BCOR: variants seen among roughly 807,000 people sequenced by gnomAD.
BCOR encodes the protein BCL-6 corepressor.
Under a neutral mutation model 86.7 loss-of-function variants are expected in BCOR, and 10 were observed. That is an observed-to-expected ratio of 0.12 (90% confidence interval 0.07 to 0.20). The LOEUF is 0.20. BCOR is among the 10% of genes least tolerant of loss of function. The probability of loss-of-function intolerance (pLI) is 1.00; values close to 1 mark genes in which losing one functional copy is unlikely to be tolerated. For missense variants in BCOR, 1,259 were observed against 1,452.1 expected, an observed-to-expected ratio of 0.87 and a Z score of 2.16; for synonymous variants, 611 against 609.0, an observed-to-expected ratio of 1.00 and a Z score of -0.05.
chrX:40,147,467 G>A (rs1283773831), intron 1 of BCOR, among the ~76,000 whole-genome samples: 1 of 112,697 alleles, frequency 8.9e-6, no homozygotes, highest in African/African-American at 3.2e-5. Context: ...GGATGCGTCT[G>A]CCTAAGGCGA....
intron 1 of BCOR, among the ~76,000 whole-genome samples, chrX:40,110,395 T>C (rs1403421687): frequency 1.8e-5 from 2 of 111,556 alleles, no homozygotes; most frequent in Non-Finnish European, 3.8e-5. Context: ...ATCAGGAATA[T>C]AAATTCTTCT....
intron 1 of BCOR, among the ~76,000 whole-genome samples, chrX:40,115,394 C>G (rs1316875074): frequency 9.0e-6 from 1 of 111,618 alleles, no homozygotes; most frequent in Non-Finnish European, 1.9e-5. Context: ...ATCAGCAGGC[C>G]TCAGCTCATC....
intron 1 of BCOR, among the ~76,000 whole-genome samples, chrX:40,143,391 T>C (rs1337852009): frequency 8.9e-6 from 1 of 112,869 alleles, no homozygotes; most frequent in Non-Finnish European, 1.9e-5. Context: ...GCAGCATTTT[T>C]AAGCAGCATA....
intron 1 of BCOR, among the ~76,000 whole-genome samples, chrX:40,164,074 G>A (rs199892185): frequency 9.0e-6 from 1 of 110,948 alleles, no homozygotes; most frequent in East Asian, 2.8e-4. Context: ...TTACTGCAAT[G>A]CTGGTTTTCT....
At chrX:40,062,102 C>CA (rs1312917699) in intron 10 of BCOR, 37 bp downstream of exon 10, 1 of 1,180,289 alleles carries the variant, frequency 8.5e-7, no homozygotes, top group Admixed American at 2.4e-5. Flanking sequence ...CCCCGCCCCC[C>CA]AGCCTGCAGC....
At chrX:40,063,146 C>T (rs1934996076) in intron 8 of BCOR, 75 bp from the exon 9 acceptor site, 1 of 798,930 alleles carries the variant, frequency 1.3e-6, no homozygotes, top group African/African-American at 2.1e-5. Flanking sequence ...ACAGTTGTAG[C>T]CAGTGCAGGA....
chrX:40,056,010 G>A (rs1295476863), intron 11 of BCOR, among the ~76,000 whole-genome samples: 2 of 108,941 alleles, frequency 1.8e-5, no homozygotes, highest in Non-Finnish European at 3.8e-5. Flanking sequence ...TGTAGGGACG[G>A]GGTCTTACTA....
In BCOR at chrX:40,074,040, C is replaced by A. The variant is rs960778355; in HGVS notation, c.1306G>T (p.Val436Phe). The A allele has an allele frequency of 1.7e-6, 2 of 1,211,957 alleles. No individual in the cohort carries two copies. The highest frequency in any genetic ancestry group is 3.5e-5 in the African/African-American group (2 of 57,882). ...GACAAGTCTAGTGGCTTATCTGTGA[C>A]GTCTTTGGTAACGGTCTGCTTCTCC... ...LLEKQTVTKDVTDKPLDLSSK... is the reference protein window; with the variant it reads ...LLEKQTVTKDFTDKPLDLSSK... Residue 436 changes from valine to phenylalanine, a missense_variant, in exon 4 of 15, where the codon GTC becomes TTC. Physicochemically the swap from Val to Phe is conservative, Grantham distance 50. Coordinates refer to ENST00000378444, the MANE Select transcript of BCOR (RefSeq NM_001123385.2).
intron 10 of BCOR, among the ~76,000 whole-genome samples, chrX:40,060,001 C>G (rs1206225722): frequency 8.9e-6 from 1 of 112,025 alleles, no homozygotes; most frequent in African/African-American, 3.2e-5. Context: ...TAACAGAAAA[C>G]AAAGCTTGAG....
At chrX:40,160,938 G>GT (rs1281859292) in intron 1 of BCOR, among the ~76,000 whole-genome samples, 2 of 106,768 alleles carry the variant, frequency 1.9e-5, no homozygotes, top group African/African-American at 6.8e-5. Context: ...GCCTCCTAAA[G>GT]TGTTGGGATT....
intron 6 of BCOR, among the ~76,000 whole-genome samples, chrX:40,069,461 C>T (rs1433438155): frequency 3.6e-5 from 4 of 112,129 alleles, no homozygotes; most frequent in East Asian, 5.6e-4. Context: ...TTGGCCACAC[C>T]GAGTTACTCA....
intron 1 of BCOR, among the ~76,000 whole-genome samples, chrX:40,096,260 C>A (rs948210115): frequency 3.6e-5 from 4 of 111,373 alleles, no homozygotes; most frequent in African/African-American, 6.5e-5. Context: ...CTCCCCATTG[C>A]CCAGCGGAGG....
intron 1 of BCOR, among the ~76,000 whole-genome samples, chrX:40,155,512 G>A (rs1376751539): frequency 9.0e-6 from 1 of 110,596 alleles, no homozygotes; most frequent in Non-Finnish European, 1.9e-5. Context: ...AGTGGGAGAG[G>A]CGTCCTGGCT....
chrX:40,072,202 T>C (rs1935507345), intron 4 of BCOR, 147 bp downstream of exon 4: 1 of 580,915 alleles, frequency 1.7e-6, no homozygotes, highest in Non-Finnish European at 2.8e-6. Flanking sequence ...GTTCTCTTAC[T>C]GGCCACATTG....
intron 14 of BCOR, among the ~76,000 whole-genome samples, chrX:40,052,627 C>T (rs1029033986): frequency 1.0e-4 from 10 of 96,355 alleles, no homozygotes; most frequent in South Asian, 5.2e-4. Flanking sequence ...TGCAGTGGCG[C>T]GATCTCAGCT....
At position 40,052,145 on chromosome X, in the gene BCOR, G is replaced by A. The variant is rs779580873; in HGVS notation, c.5232C>T (p.Leu1744=). Residue 1744 remains leucine (L), a synonymous_variant, in exon 15 of 15, where the codon CTC becomes CTT. Coordinates refer to ENST00000378444, the MANE Select transcript of BCOR (RefSeq NM_001123385.2). ...QTLLGSSVEW[L]HPSDLASDNY... ...TGTCTGAGGCCAGATCACTGGGGTG[G>A]AGCCACTCTACAGAGGAGCCCAGCA... 1 of 1,202,513 alleles carries A rather than the reference G, an allele frequency of 8.3e-7. No individual in the cohort carries two copies. The highest frequency in any genetic ancestry group is 1.7e-5 in the African/African-American group (1 of 57,681).
intron 1 of BCOR, among the ~76,000 whole-genome samples, chrX:40,093,577 C>A (rs1936713813): frequency 8.9e-6 from 1 of 112,374 alleles, no homozygotes; most frequent in Non-Finnish European, 1.9e-5. Context: ...ATGGATCTCA[C>A]AACACATCAG....
At position 40,062,871 on chromosome X, in the gene BCOR, A is replaced by T. The variant is rs1934966402; in HGVS notation, c.4048T>A (p.Tyr1350Asn). 2 of 1,209,734 alleles carry T rather than the reference A, an allele frequency of 1.7e-6. No individual in the cohort carries two copies. The highest frequency in any genetic ancestry group is 3.5e-5 in the African/African-American group (2 of 57,146). ...GATGGCTTCTCGCTGTTGTCGGTGT[A>T]TTTCTGCAGCAGGGAGGCAGCCTGG... ...DCQAASLLQK[Y>N]TDNSEKPSGK... Residue 1350 changes from tyrosine (Y) to asparagine (N), a missense_variant, in exon 9 of 15, where the codon TAC (tyrosine) becomes AAC (asparagine). Tyr to Asn is a moderately radical substitution (Grantham distance 143, BLOSUM62 -2). This residue lies in a region of BCOR where 305 missense variants were observed against 286.1 expected (regional missense o/e 1.07). Transcript: ENST00000378444.
upstream of BCOR, among the ~76,000 whole-genome samples, chrX:40,100,892 G>A (rs1368866607): frequency 9.1e-6 from 1 of 109,504 alleles, no homozygotes; most frequent in African/African-American, 3.3e-5. Flanking sequence ...CTTTTCTAGG[G>A]ATCTTGCCTC....
Sources: gnomAD v4.1 joint callset for allele counts (sites outside exome capture counted in the v4.1 genomes callset) on GRCh38, gnomAD v4.1.1 for gene constraint, gnomAD v4.1.1 regional missense constraint, MANE v1.5 for transcripts, NCBI Gene and HGNC (gene_info 2026-07-23, HGNC 2026-07-21) for gene names.